The following TMPRSS6 variants were observed in gnomAD, a reference collection of about 807,000 sequenced individuals.
The protein encoded by TMPRSS6 is transmembrane serine protease 6.
Under a neutral mutation model 101.5 loss-of-function variants are expected in TMPRSS6, and 67 were observed. That is an observed-to-expected ratio of 0.66 (90% CI 0.54 to 0.81). The LOEUF is 0.81. Among genes scored for constraint, TMPRSS6 ranks in the 30% least tolerant of loss-of-function variants. The pLI, the probability that TMPRSS6 is intolerant of heterozygous loss-of-function variation, is 0.00. For missense variants in TMPRSS6, 1,034 were observed against 1,088.7 expected (o/e 0.95, Z 0.71); for synonymous variants, 453 against 464.9 (o/e 0.97, Z 0.33).
chr22:37,093,285 A>T (rs1339882859), intron 6 of TMPRSS6, among the ~76,000 whole-genome samples: 2 of 151,944 alleles, frequency 1.3e-5, no homozygotes, highest in Non-Finnish European at 2.9e-5. Context: ...GAACATGGGG[A>T]CACAGAGGCA....
chr22:37,085,054 T>A (rs946640173), intron 8 of TMPRSS6, among the ~76,000 whole-genome samples: 1 of 152,102 alleles, frequency 6.6e-6, no homozygotes, highest in Non-Finnish European at 1.5e-5. Context: ...TAAAAAGACA[T>A]AAACATTCAA....
chr22:37,077,907 T>A (rs775393895), intron 10 of TMPRSS6, among the ~76,000 whole-genome samples: 22 of 152,094 alleles, frequency 1.4e-4, no homozygotes, highest in South Asian at 8.3e-4. Context: ...GCAGAACAGG[T>A]TGGGAGCCGC....
chr22:37,095,795 G>A, intron 5 of TMPRSS6, 111 bp downstream of exon 5: 8 of 1,434,436 alleles, frequency 5.6e-6, no homozygotes, highest in East Asian at 2.3e-5. Context: ...CTCCTGGGGG[G>A]CCCACCCTGA....
chr22:37,094,274 AG>A (rs1236316948), intron 6 of TMPRSS6, among the ~76,000 whole-genome samples: 2 of 152,158 alleles, frequency 1.3e-5, no homozygotes, highest in African/African-American at 4.8e-5. Flanking sequence ...TCACTAGAAA[AG>A]ACAACTCCAA....
Position 37,095,587 on chromosome 22 carries a change from T to C in TMPRSS6, c.595A>G (p.Ser199Gly), listed in dbSNP as rs139563007. ...TTCAATGCAGCTATGTCTTTCACAC[T>C]GGCTTCTGATAAAAGGAAATGAACA... is the stretch of plus-strand genomic sequence containing the variant. Reference protein sequence around the residue: ...DPEGLVILEASVKDIAALNST... With the variant: ...DPEGLVILEAGVKDIAALNST... The change falls in exon 6 of 18, where the codon AGT (serine) becomes GGT (glycine). Residue 199 changes from serine (S) to glycine (G), a missense_variant. Physicochemically the swap from Ser to Gly is moderately conservative, Grantham distance 56. Transcript: ENST00000676104. 4.1e-5 allele frequency: 66 copies of C among 1,604,768 alleles called. No homozygotes were observed. Among genetic ancestry groups the C allele is most frequent in the Non-Finnish European group, 5.2e-5 (61 of 1,177,952 alleles).
At chr22:37,077,755 CTTATAA>C (rs1011111186) in intron 10 of TMPRSS6, among the ~76,000 whole-genome samples, 9 of 152,294 alleles carry the variant, frequency 5.9e-5, no homozygotes, top group Middle Eastern at 3.4e-3. Flanking sequence ...GTGTAATGGG[CTTATAA>C]TTATATTAAA....
At chr22:37,084,171 C>T (rs901127773) in intron 10 of TMPRSS6, 124 bp downstream of exon 10, 10 of 855,718 alleles carry the variant, frequency 1.2e-5, no homozygotes, top group South Asian at 7.7e-5. Flanking sequence ...AGCCTCTGCT[C>T]GCTCCCCTTG....
At chr22:37,098,846 A>G (rs553316061) in intron 2 of TMPRSS6, among the ~76,000 whole-genome samples, 1 of 152,316 alleles carries the variant, frequency 6.6e-6, no homozygotes, top group African/African-American at 2.4e-5. Context: ...CAGGACACCA[A>G]TGACATGAAG....
intron 1 of TMPRSS6, among the ~76,000 whole-genome samples, chr22:37,106,199 G>A (rs745750206): frequency 2.4e-4 from 37 of 152,098 alleles, no homozygotes; most frequent in Admixed American, 8.5e-4. Flanking sequence ...CACACAGCTG[G>A]TCAGCAGCAC....
At position 37,089,781 on chromosome 22, in the gene TMPRSS6, AC is replaced by A. The variant is rs1296123434; in HGVS notation, c.632del (p.Gly211ValfsTer16). On this transcript the variant is annotated frameshift_variant and splice_region_variant, in exon 7 of 18. Coordinates refer to ENST00000676104, the MANE Select transcript of TMPRSS6 (RefSeq NM_001374504.1). LOFTEE classifies it high-confidence loss of function. ...GGCCCACGTAGCTGTAGCGGTAACA[AC>A]CTGGAGCGGGGAGAGGGGCACAGCC... ...KDIAALNSTL[G>X]CYRYSYVGQG... is the part of the protein sequence containing the mutation. 20 of 1,611,410 alleles carry A rather than the reference AC, an allele frequency of 1.2e-5. No homozygotes were observed. The highest frequency in any genetic ancestry group is 1.7e-5 in the Non-Finnish European group (20 of 1,179,412).
At chr22:37,096,904 A>C (rs1039283362) in intron 3 of TMPRSS6, among the ~76,000 whole-genome samples, 189 bp from the exon 4 acceptor site, 1 of 151,860 alleles carries the variant, frequency 6.6e-6, no homozygotes, top group Non-Finnish European at 1.5e-5. Flanking sequence ...CTCACACCCC[A>C]TCCCCTTCTT....
intron 10 of TMPRSS6, among the ~76,000 whole-genome samples, chr22:37,076,197 G>C (rs759416662): frequency 2.0e-5 from 3 of 152,186 alleles, no homozygotes; most frequent in African/African-American, 7.2e-5. Context: ...AGATGTGCAC[G>C]GTCATCTGCC....
Position 37,075,266 on chromosome 22 carries a change from C to A in TMPRSS6, c.1211G>T (p.Arg404Leu), listed in dbSNP as rs771131901. ...TIQNRRLCGL[R>L]ILQPYAERIP... ...CCTCTCGGCGTAGGGCTGCAGGATG[C>A]GCAAGCCACACAGCCTGGGGGGAGT... Residue 404 changes from arginine to leucine, a missense_variant, in exon 11 of 18, where the codon CGC (arginine) becomes CTC (leucine). Physicochemically the swap from Arg to Leu is moderately radical, Grantham distance 102. Transcript: ENST00000676104. 15 of 1,613,452 alleles carry A rather than the reference C, an allele frequency of 9.3e-6. No homozygotes were observed. The highest frequency in any genetic ancestry group is 2.2e-5 in the East Asian group (1 of 44,880).
rs1926584203 is a variant in TMPRSS6 at position 37,068,930 on chromosome 22, T to G, written c.2113+143A>C. 2.9e-6 allele frequency: 4 copies of G among 1,395,476 alleles called. No individual in the cohort carries two copies. In the Admixed American group the frequency reaches 7.6e-5, roughly 27 times the overall value. 86.4% of individuals were successfully genotyped at this position (1,395,476 alleles called of 1,614,324 possible). A position where few individuals can be genotyped will look rare whatever the true frequency, so the allele number is the denominator to read the frequency against. Reference sequence around the variant, plus strand: ...AAATGGTGGTTTTCTACCGTAAAATTCAGCCCAATTTGAATCCCAGCACTA... The same window carrying G: ...AAATGGTGGTTTTCTACCGTAAAATGCAGCCCAATTTGAATCCCAGCACTA... On this transcript the variant is annotated intron_variant, in intron 16 of 17. Transcript: ENST00000676104.
At chr22:37,085,054 T>C (rs946640173) in intron 8 of TMPRSS6, among the ~76,000 whole-genome samples, 17 of 152,102 alleles carry the variant, frequency 1.1e-4, no homozygotes, top group African/African-American at 3.9e-4. Flanking sequence ...TAAAAAGACA[T>C]AAACATTCAA....
chr22:37,076,060 GAAAA>G (rs1310695964), intron 10 of TMPRSS6, among the ~76,000 whole-genome samples: 1 of 148,456 alleles, frequency 6.7e-6, no homozygotes, highest in Non-Finnish European at 1.5e-5. Flanking sequence ...GGGAGGGAAA[GAAAA>G]AAGAAAAGAA....
At chr22:37,102,448 A>C (rs886087778) in intron 2 of TMPRSS6, among the ~76,000 whole-genome samples, 1 of 152,188 alleles carries the variant, frequency 6.6e-6, no homozygotes, top group Non-Finnish European at 1.5e-5. Flanking sequence ...ATTACTTCCC[A>C]CTGTCAAAGG....
In TMPRSS6 at chr22:37,074,709, C is replaced by T; in HGVS notation, c.1343-1G>A. 6.2e-7 allele frequency: 1 copy of T among 1,614,120 alleles called. No homozygotes were observed. Among genetic ancestry groups the T allele is most frequent in the Non-Finnish European group, 8.5e-7 (1 of 1,180,002 alleles). On this transcript the variant is annotated splice_acceptor_variant, in intron 11 of 17. Coordinates refer to ENST00000676104, the MANE Select transcript of TMPRSS6 (RefSeq NM_001374504.1). LOFTEE classifies it high-confidence loss of function. ...GAACAGAGGAACTCTCCAGGGCAGG[C>T]TGCAAAACCACAGGGGACCGTGGAG...
At chr22:37,079,719 C>T (rs1029147696) in intron 10 of TMPRSS6, among the ~76,000 whole-genome samples, 1 of 152,194 alleles carries the variant, frequency 6.6e-6, no homozygotes, top group East Asian at 1.9e-4. Flanking sequence ...CAGGGGTGAT[C>T]GTATCTCCCT....
Sources: gnomAD v4.1 joint callset for allele counts (sites outside exome capture counted in the v4.1 genomes callset) on GRCh38, gnomAD v4.1.1 for gene constraint, MANE v1.5 for transcripts, NCBI Gene and HGNC (gene_info 2026-07-23, HGNC 2026-07-21) for gene names.